ACACA: variants seen among roughly 807,000 people sequenced by gnomAD.
ACACA encodes acetyl-CoA carboxylase 1.
In ACACA, 103 loss-of-function variants were observed where a neutral mutation model predicts 296.1. The observed-to-expected ratio is 0.35, with a 90% confidence interval of 0.30 to 0.41. The LOEUF is 0.41. Among genes scored for constraint, ACACA ranks in the 10% least tolerant of loss-of-function variants. The pLI is 1.00. For missense variants in ACACA, 1,554 were observed against 2,989.7 expected (o/e 0.52, Z 11.20); for synonymous variants, 953 against 1,038.6 (o/e 0.92, Z 1.58).
chr17:37,174,020 A>ATTTTTTTTTTTTTT (rs71159693), intron 41 of ACACA, among the ~76,000 whole-genome samples: 6 of 16,796 alleles, frequency 3.6e-4, no homozygotes, highest in Admixed American at 1.3e-3. Flanking sequence ...ATATATATAT[A>ATTTTTTTTTTTTTT]TTTTTTTTTT....
intron 45 of ACACA, among the ~76,000 whole-genome samples, chr17:37,146,869 C>A (rs1195160403): frequency 2.1e-5 from 3 of 145,544 alleles, no homozygotes; most frequent in Non-Finnish European, 4.5e-5. Context: ...TGCAAACCAG[C>A]ACCTTTTAAA....
intron 44 of ACACA, 70 bp downstream of exon 44, chr17:37,151,231 G>T: frequency 6.3e-7 from 1 of 1,584,026 alleles, no homozygotes; most frequent in Non-Finnish European, 8.6e-7. Context: ...GAATAGCAGT[G>T]ATAAGAGAAA....
intron 52 of ACACA, among the ~76,000 whole-genome samples, chr17:37,098,273 G>T (rs1471360258): frequency 6.6e-6 from 1 of 152,192 alleles, no homozygotes; most frequent in African/African-American, 2.4e-5. Flanking sequence ...GAAGGTGCAA[G>T]TAGCGACCTA....
chr17:37,122,617 T>C lies in ACACA; in HGVS notation c.6052A>G (p.Ile2018Val), dbSNP rs960675363. 1 of 1,614,082 alleles carries C rather than the reference T, an allele frequency of 6.2e-7. No individual in the cohort carries two copies. The highest frequency in any genetic ancestry group is 1.3e-5 in the African/African-American group (1 of 75,046). Residue 2018 changes from isoleucine to valine, a missense_variant, in exon 49 of 56, where the codon ATA becomes GTA. By Grantham distance (29) the Ile-to-Val change is conservative (BLOSUM62 3). This residue lies in a region of ACACA where 553 missense variants were observed against 1,043.6 expected (regional missense o/e 0.53). Transcript: ENST00000616317. ...TCTACAGCAACAACTCCCACAGGTA[T>C]TCCTCCTAGCCTGATAAAACATGAG... ...VVVGRARLGG[I>V]PVGVVAVETR...
chr17:37,093,498 CCA>C (rs2072782163), intron 54 of ACACA, among the ~76,000 whole-genome samples: 1 of 152,050 alleles, frequency 6.6e-6, no homozygotes, highest in South Asian at 2.1e-4. Context: ...ACATTGTGTT[CCA>C]TACTTTTTCT....
chr17:37,206,329 A>G (rs2078499964), intron 32 of ACACA, among the ~76,000 whole-genome samples: 1 of 152,206 alleles, frequency 6.6e-6, no homozygotes, highest in African/African-American at 2.4e-5. Context: ...AGAAAGAATA[A>G]TTTATTTACT....
At chr17:37,258,422 A>G in intron 12 of ACACA, 49 bp from the exon 13 acceptor site, 5 of 1,575,296 alleles carry the variant, frequency 3.2e-6, no homozygotes, top group Admixed American at 1.7e-5. Context: ...TACTTCCCTT[A>G]AAGTGTAGAG....
intron 33 of ACACA, among the ~76,000 whole-genome samples, chr17:37,205,481 G>C (rs1738057595): frequency 6.6e-6 from 1 of 152,146 alleles, no homozygotes; most frequent in Admixed American, 6.5e-5. Flanking sequence ...ATACTTGGTA[G>C]GTGATTCGAA....
chr17:37,204,121 C>A (rs2078394096), intron 33 of ACACA, among the ~76,000 whole-genome samples: 1 of 152,220 alleles, frequency 6.6e-6, no homozygotes, highest in African/African-American at 2.4e-5. Flanking sequence ...CTACTGAGTT[C>A]TTTCTCTGCA....
chr17:37,361,121 C>A (rs2049390590), intron 1 of ACACA, among the ~76,000 whole-genome samples: 1 of 151,460 alleles, frequency 6.6e-6, no homozygotes, highest in South Asian at 2.1e-4. Context: ...TCACTGCAAC[C>A]TCCACCTCCC....
chr17:37,199,834 A>G (rs993459510), intron 35 of ACACA, among the ~76,000 whole-genome samples: 3 of 151,784 alleles, frequency 2.0e-5, no homozygotes, highest in Admixed American at 6.6e-5. Context: ...TTAAAAAAAA[A>G]AAGAAGAAAA....
intron 40 of ACACA, 146 bp downstream of exon 40, chr17:37,181,055 T>C (rs1244444157): frequency 2.3e-6 from 2 of 869,416 alleles, no homozygotes; most frequent in East Asian, 2.5e-5. Context: ...CAGTCACCAA[T>C]CCTCAAATGA....
chr17:37,325,579 CTTTTTTTTTTTT>C (rs1156553256), intron 3 of ACACA, among the ~76,000 whole-genome samples: 6 of 67,926 alleles, frequency 8.8e-5, no homozygotes, highest in Middle Eastern at 0.012. Flanking sequence ...TCTTTTCTTT[CTTTTTTTTTTTT>C]TTTTTTTTTT....
chr17:37,116,875 G>C (rs1473639157), intron 50 of ACACA, among the ~76,000 whole-genome samples: 1 of 152,202 alleles, frequency 6.6e-6, no homozygotes, highest in African/African-American at 2.4e-5. Context: ...TTAGAAATCA[G>C]TCTACAGAAT....
rs569232640 is a variant in ACACA, at chr17:37,281,188, T to C, written c.610+2079A>G. ...CGATTCTCCTGCCTCAGCTTCCGAG[T>C]AGCTGGATTTACGGGCACCAGCACC... On this transcript the variant is annotated intron_variant, in intron 5 of 55. Coordinates refer to ENST00000616317, the MANE Select transcript of ACACA (RefSeq NM_198834.3). Among the ~76,000 whole-genome samples the C allele has an allele frequency of 2.6e-5, 4 of 151,898 alleles. No homozygotes were observed. In the East Asian group the frequency reaches 7.8e-4, roughly 29 times the overall value.
chr17:37,295,115 T>C (rs1299540789), intron 3 of ACACA, among the ~76,000 whole-genome samples: 1 of 152,126 alleles, frequency 6.6e-6, no homozygotes, highest in African/African-American at 2.4e-5. Flanking sequence ...AAGGTTTAAG[T>C]CACTGAAACA....
Position 37,248,670 on chromosome 17 carries a change from G to T in ACACA, c.2086C>A (p.Gln696Lys). ...AGAAGTGTATGAGCAGGAAGGACTTGACCCCTGAAAGAACGATGAGAGAGG... is the reference window on the plus strand; with the variant it reads ...AGAAGTGTATGAGCAGGAAGGACTTTACCCCTGAAAGAACGATGAGAGAGG... ...SNFLHSLERGQVLPAHTLLNT... is the reference protein window; with the variant it reads ...SNFLHSLERGKVLPAHTLLNT... Residue 696 changes from glutamine to lysine, a missense_variant, in exon 17 of 56, where the codon CAA becomes AAA. Gln to Lys is a moderately conservative substitution (Grantham distance 53). Around this residue, in one of 16 missense-constraint regions of ACACA, gnomAD observed 316 missense variants for 540.9 expected, o/e 0.58. Coordinates refer to ENST00000616317, the MANE Select transcript of ACACA (RefSeq NM_198834.3). 2 of 1,607,446 alleles carry T rather than the reference G, an allele frequency of 1.2e-6. No homozygotes were observed. Among genetic ancestry groups the T allele is most frequent in the South Asian group, 2.2e-5 (2 of 90,728 alleles).
rs571779952 is a variant in ACACA, at chr17:37,370,611, T to C, written c.39-30761A>G. 2.0e-5 allele frequency among the ~76,000 whole-genome samples: 3 copies of C among 151,554 alleles called. No homozygotes were observed. The East Asian group carries it at 5.9e-4, about 30-fold the overall frequency. On this transcript the variant is annotated intron_variant, in intron 1 of 55. Coordinates refer to ENST00000616317, the MANE Select transcript of ACACA (RefSeq NM_198834.3). ...GGTGGACGTTGCAGTGAGCCGAGAT[T>C]GTGCCACTGCACTCCAGCCTGGGTG... is the stretch of plus-strand genomic sequence containing the variant.
At chr17:37,342,814 G>C (rs553853644) in intron 1 of ACACA, among the ~76,000 whole-genome samples, 269 of 151,444 alleles carry the variant, frequency 1.8e-3, no homozygotes, top group Non-Finnish European at 3.2e-3. Flanking sequence ...GGTAGCACAT[G>C]CCCATGGTCC....
Sources: allele counts gnomAD v4.1 joint callset (sites outside exome capture counted in the v4.1 genomes callset), GRCh38; gene constraint gnomAD v4.1.1; regional missense constraint gnomAD v4.1.1; transcripts MANE v1.5; gene names NCBI Gene and HGNC (gene_info 2026-07-23, HGNC 2026-07-21).